The following GPC3 variants were observed in gnomAD, a reference collection of about 807,000 sequenced individuals.
GPC3 encodes the protein glypican 3, also known as glypican-3.
Under a neutral mutation model 34.4 loss-of-function variants are expected in GPC3, and 3 were observed. That is an observed-to-expected ratio of 0.09 (90% CI 0.04 to 0.23). The LOEUF (loss-of-function observed/expected upper bound fraction) is 0.23, where lower values mean the gene tolerates loss of function less well. GPC3 is among the 10% of genes least tolerant of loss of function. The pLI is 1.00. For missense variants in GPC3, 351 were observed against 445.6 expected (o/e 0.79, Z 1.91); for synonymous variants, 177 against 174.0 (o/e 1.02, Z -0.13).
At chrX:133,565,753 T>C (rs746344217) in intron 7 of GPC3, among the ~76,000 whole-genome samples, 16 of 112,244 alleles carry the variant, frequency 1.4e-4, no homozygotes, top group Non-Finnish European at 3.0e-4. Context: ...GAACCCTTAA[T>C]AGAGTTATGC....
chrX:133,603,209 T>A (rs1469037818), intron 6 of GPC3, among the ~76,000 whole-genome samples: 1 of 109,656 alleles, frequency 9.1e-6, no homozygotes, highest in African/African-American at 3.3e-5. Flanking sequence ...ATTTGGTGAA[T>A]CTGGGATGGG....
intron 2 of GPC3, among the ~76,000 whole-genome samples, chrX:133,940,826 A>G (rs1414365482): frequency 8.9e-6 from 1 of 112,339 alleles, no homozygotes; most frequent in African/African-American, 3.2e-5. Context: ...GTTTTCCACT[A>G]ATGATTACTT....
intron 3 of GPC3, among the ~76,000 whole-genome samples, chrX:133,719,797 A>G (rs953706696): frequency 1.8e-5 from 2 of 112,167 alleles, no homozygotes; most frequent in Admixed American, 1.9e-4. Context: ...AGTGGGAGAA[A>G]ATATTTGCAA....
intron 5 of GPC3, among the ~76,000 whole-genome samples, chrX:133,692,151 G>A (rs977993149): frequency 8.9e-6 from 1 of 112,309 alleles, no homozygotes; most frequent in African/African-American, 3.2e-5. Flanking sequence ...GTTTCACTGT[G>A]TTAGGCTGGT....
At chrX:133,625,016 C>G (rs763911968) in intron 6 of GPC3, among the ~76,000 whole-genome samples, 7 of 111,842 alleles carry the variant, frequency 6.3e-5, no homozygotes, top group Non-Finnish European at 1.3e-4. Flanking sequence ...TCAACATATG[C>G]AAATCAATAA....
At chrX:133,614,306 G>A (rs2070138606) in intron 6 of GPC3, among the ~76,000 whole-genome samples, 1 of 111,569 alleles carries the variant, frequency 9.0e-6, no homozygotes, top group Non-Finnish European at 1.9e-5. Context: ...CCACACCTAT[G>A]TATGTCAATC....
chrX:133,791,959 C>A (rs1480906522), intron 2 of GPC3, among the ~76,000 whole-genome samples: 1 of 106,210 alleles, frequency 9.4e-6, no homozygotes, highest in African/African-American at 3.5e-5. Flanking sequence ...CGGGCCACTG[C>A]AACCTCTGCC....
At chrX:133,769,112 C>T (rs868293089) in intron 2 of GPC3, among the ~76,000 whole-genome samples, 1 of 111,849 alleles carries the variant, frequency 8.9e-6, no homozygotes, top group Middle Eastern at 4.6e-3. Context: ...GAACATTATG[C>T]TAAATGAAAT....
At chrX:133,607,901 T>C (rs2070067815) in intron 6 of GPC3, among the ~76,000 whole-genome samples, 1 of 112,471 alleles carries the variant, frequency 8.9e-6, no homozygotes, top group African/African-American at 3.2e-5. Flanking sequence ...AAGCACCAAG[T>C]GGCTAAACAA....
At chrX:133,928,280 A>C (rs1293850680) in intron 2 of GPC3, among the ~76,000 whole-genome samples, 1 of 111,513 alleles carries the variant, frequency 9.0e-6, no homozygotes, top group Admixed American at 9.5e-5. Context: ...TTTTCTATTC[A>C]TGTTTCTATT....
At chrX:133,932,398 C>A (rs2076302480) in intron 2 of GPC3, among the ~76,000 whole-genome samples, 1 of 111,775 alleles carries the variant, frequency 8.9e-6, no homozygotes, top group Non-Finnish European at 1.9e-5. Context: ...TAGGTGAGAT[C>A]AAAATAACTA....
intron 2 of GPC3, among the ~76,000 whole-genome samples, chrX:133,806,635 TTTTA>T (rs1302655018): frequency 9.2e-6 from 1 of 109,287 alleles, no homozygotes; most frequent in Non-Finnish European, 1.9e-5. Flanking sequence ...ATTTGTTTTA[TTTTA>T]TTTATTTATT....
chrX:133,830,370 C>T (rs1022858873), intron 2 of GPC3, among the ~76,000 whole-genome samples: 2 of 112,148 alleles, frequency 1.8e-5, no homozygotes, highest in Non-Finnish European at 1.9e-5. Context: ...TTAATTCAAA[C>T]ATAAAATGTA....
chrX:133,628,867 C>T (rs2070335467), intron 6 of GPC3, among the ~76,000 whole-genome samples: 1 of 111,154 alleles, frequency 9.0e-6, no homozygotes, highest in Non-Finnish European at 1.9e-5. Flanking sequence ...ACCTATGAAG[C>T]CATATAATTC....
intron 2 of GPC3, among the ~76,000 whole-genome samples, chrX:133,921,946 T>C (rs1400859343): frequency 8.9e-6 from 1 of 112,452 alleles, no homozygotes; most frequent in Non-Finnish European, 1.9e-5. Flanking sequence ...CTGACGTCTT[T>C]TGCTCTGGCA....
At chrX:133,826,808 C>G (rs758956606) in intron 2 of GPC3, among the ~76,000 whole-genome samples, 1 of 111,609 alleles carries the variant, frequency 9.0e-6, no homozygotes, top group Admixed American at 9.5e-5. Flanking sequence ...AAGAACTGAT[C>G]CATGCACCAG....
chrX:133,677,212 G>A (rs2070893040), intron 5 of GPC3, among the ~76,000 whole-genome samples: 1 of 111,601 alleles, frequency 9.0e-6, no homozygotes, highest in Non-Finnish European at 1.9e-5. Context: ...CTGCTCCCCT[G>A]TAGCTCCAAT....
chrX:133,870,961 C>G (rs1024173316), intron 2 of GPC3, among the ~76,000 whole-genome samples: 16 of 111,915 alleles, frequency 1.4e-4, no homozygotes, highest in Non-Finnish European at 2.8e-4. Context: ...TTCTCATGCT[C>G]TATTTCTTTG....
intron 2 of GPC3, among the ~76,000 whole-genome samples, chrX:133,914,176 A>G (rs1411197976): frequency 9.0e-6 from 1 of 111,468 alleles, no homozygotes; most frequent in Non-Finnish European, 1.9e-5. Context: ...ACTAGGGTAA[A>G]CATGTCTTGC....
Sources: gnomAD v4.1 joint callset for allele counts (sites outside exome capture counted in the v4.1 genomes callset) on GRCh38, gnomAD v4.1.1 for gene constraint, MANE v1.5 for transcripts, NCBI Gene and HGNC (gene_info 2026-07-23, HGNC 2026-07-21) for gene names.